GALNTL6: variants seen among roughly 807,000 people sequenced by gnomAD.
GALNTL6 encodes the protein polypeptide N-acetylgalactosaminyltransferase like 6.
In GALNTL6, 46 loss-of-function variants were observed where a neutral mutation model predicts 73.7. That is an observed-to-expected ratio of 0.62 (90% confidence interval 0.49 to 0.80). The LOEUF is 0.80. Among genes scored for constraint, GALNTL6 ranks in the 30% least tolerant of loss-of-function variants. GALNTL6 has a pLI of 0.00. For missense variants in GALNTL6, 604 were observed against 755.0 expected (o/e 0.80, Z 2.34); for synonymous variants, 259 against 263.7 (o/e 0.98, Z 0.17).
intron 5 of GALNTL6, among the ~76,000 whole-genome samples, chr4:172,535,799 A>G (rs2110859249): frequency 6.6e-6 from 1 of 152,354 alleles, no homozygotes; most frequent in South Asian, 2.1e-4. Context: ...GAATATTCAT[A>G]GAAGGCTTTA....
At chr4:172,175,657 A>G (rs1734965442) in intron 2 of GALNTL6, among the ~76,000 whole-genome samples, 1 of 152,212 alleles carries the variant, frequency 6.6e-6, no homozygotes, top group Non-Finnish European at 1.5e-5. Context: ...TACGTGCAAC[A>G]AACTCATTGA....
intron 2 of GALNTL6, among the ~76,000 whole-genome samples, chr4:172,043,482 G>A (rs1385779001): frequency 1.3e-5 from 2 of 151,968 alleles, no homozygotes; most frequent in African/African-American, 2.4e-5. Flanking sequence ...TGGATCATAT[G>A]CATTTATTTA....
chr4:171,949,022 A>AT (rs1738786794), intron 2 of GALNTL6, among the ~76,000 whole-genome samples: 1 of 152,066 alleles, frequency 6.6e-6, no homozygotes, highest in African/African-American at 2.4e-5. Context: ...TGACATGACA[A>AT]TAAAAAAAGT....
chr4:172,890,449 C>T (rs1362818135), intron 8 of GALNTL6, among the ~76,000 whole-genome samples: 1 of 151,506 alleles, frequency 6.6e-6, no homozygotes, highest in Non-Finnish European at 1.5e-5. Flanking sequence ...TTTCCATTTA[C>T]TCCAAAGTCA....
chr4:172,735,072 A>T (rs1736380894), intron 5 of GALNTL6, among the ~76,000 whole-genome samples: 1 of 152,204 alleles, frequency 6.6e-6, no homozygotes, highest in Non-Finnish European at 1.5e-5. Context: ...CAGAGTCCCC[A>T]CTGTGGCACT....
chr4:172,620,279 C>T (rs1195899612), intron 5 of GALNTL6, among the ~76,000 whole-genome samples: 6 of 147,842 alleles, frequency 4.1e-5, no homozygotes, highest in Non-Finnish European at 6.0e-5. Context: ...TATTCATGAA[C>T]GTGAATTGTG....
chr4:171,996,403 T>G (rs1420954121), intron 2 of GALNTL6, among the ~76,000 whole-genome samples: 1 of 152,074 alleles, frequency 6.6e-6, no homozygotes, highest in Non-Finnish European at 1.5e-5. Flanking sequence ...TAAATCAGAT[T>G]TCTAACATAC....
chr4:172,279,113 C>T (rs992778785), intron 3 of GALNTL6, among the ~76,000 whole-genome samples: 1 of 152,052 alleles, frequency 6.6e-6, no homozygotes, highest in Admixed American at 6.6e-5. Context: ...CTATAAAACT[C>T]TTAGAAAACA....
chr4:172,794,898 A>C (rs575468713), intron 5 of GALNTL6, among the ~76,000 whole-genome samples: 1 of 152,360 alleles, frequency 6.6e-6, no homozygotes, highest in East Asian at 1.9e-4. Context: ...GTTTCTTGGA[A>C]GAATAATCTG....
intron 5 of GALNTL6, among the ~76,000 whole-genome samples, chr4:172,403,181 T>C (rs763267096): frequency 6.6e-6 from 1 of 152,080 alleles, no homozygotes; most frequent in Non-Finnish European, 1.5e-5. Flanking sequence ...GTTAGGCTGA[T>C]AATCAAATGA....
chr4:172,156,549 A>ATATATATAG (rs1734286676), intron 2 of GALNTL6, among the ~76,000 whole-genome samples: 1 of 65,942 alleles, frequency 1.5e-5, no homozygotes, highest in African/African-American at 5.9e-5. Flanking sequence ...TAATATATAT[A>ATATATATAG]TATATATATA....
intron 2 of GALNTL6, among the ~76,000 whole-genome samples, chr4:172,030,225 G>A (rs536847407): frequency 6.6e-6 from 1 of 152,098 alleles, no homozygotes; most frequent in East Asian, 1.9e-4. Context: ...TTTATAAAAT[G>A]CAAATATTTC....
chr4:172,613,593 A>T (rs1381596731), intron 5 of GALNTL6, among the ~76,000 whole-genome samples: 2 of 132,980 alleles, frequency 1.5e-5, no homozygotes, highest in Non-Finnish European at 3.3e-5. Flanking sequence ...AGAAATATTT[A>T]AAAAAGGAAA....
intron 2 of GALNTL6, among the ~76,000 whole-genome samples, chr4:171,920,649 C>T (rs1219252680): frequency 6.6e-6 from 1 of 151,996 alleles, no homozygotes; most frequent in Admixed American, 6.6e-5. Flanking sequence ...CTCCAGAAAA[C>T]AACAATAAAA....
chr4:172,053,055 A>C (rs1277889392), intron 2 of GALNTL6, among the ~76,000 whole-genome samples: 1 of 152,212 alleles, frequency 6.6e-6, no homozygotes, highest in Non-Finnish European at 1.5e-5. Context: ...TTATGCAGTG[A>C]CATGTAAATA....
chr4:173,023,546 A>G (rs1030336425), intron 12 of GALNTL6, among the ~76,000 whole-genome samples: 1 of 152,080 alleles, frequency 6.6e-6, no homozygotes, highest in African/African-American at 2.4e-5. Flanking sequence ...AGTCCCAGCT[A>G]CTCGGGAGGC....
intron 2 of GALNTL6, among the ~76,000 whole-genome samples, chr4:172,073,997 C>A (rs770983531): frequency 6.6e-6 from 1 of 152,126 alleles, no homozygotes; most frequent in Non-Finnish European, 1.5e-5. Flanking sequence ...TAAGTTAGAT[C>A]CTTAACTTCC....
intron 12 of GALNTL6, among the ~76,000 whole-genome samples, chr4:173,035,761 C>T (rs1753672712): frequency 1.3e-5 from 2 of 152,188 alleles, no homozygotes; most frequent in Admixed American, 6.5e-5. Flanking sequence ...ATGGGAGGTA[C>T]TATTGCATCA....
chr4:171,906,737 A>T (rs968482019), intron 2 of GALNTL6, among the ~76,000 whole-genome samples: 3 of 152,202 alleles, frequency 2.0e-5, no homozygotes, highest in Admixed American at 6.5e-5. Flanking sequence ...TTGATGCAAA[A>T]ATCCTGAATA....
Sources: allele counts gnomAD v4.1 joint callset (sites outside exome capture counted in the v4.1 genomes callset), GRCh38; gene constraint gnomAD v4.1.1; transcripts MANE v1.5; gene names NCBI Gene and HGNC (gene_info 2026-07-23, HGNC 2026-07-21).